The following NHSL1 variants were observed in gnomAD, a reference collection of about 807,000 sequenced individuals.
NHSL1 encodes NHS-like protein 1.
NHSL1 carries 48 observed loss-of-function variants against 95.0 expected under a neutral mutation model. The observed-to-expected ratio is 0.51, with a 90% CI of 0.40 to 0.64. The LOEUF (loss-of-function observed/expected upper bound fraction) is 0.64. NHSL1 is among the 30% of genes least tolerant of loss of function. NHSL1 has a pLI of 0.00. For synonymous variants in NHSL1, 783 were observed against 833.9 expected (o/e 0.94, Z 1.05); for missense variants, 1,971 against 2,077.7 (o/e 0.95, Z 1.00).
intron 5 of NHSL1, chr6:138,435,244 T>C (rs982266657): frequency 1.9e-5 from 3 of 154,776 alleles, no homozygotes; most frequent in African/African-American, 7.2e-5. Flanking sequence ...ACTCAAAATA[T>C]CTCATTCCAT....
At chr6:138,682,567 T>C (rs917580593) in intron 1 of NHSL1, among the ~76,000 whole-genome samples, 2 of 152,238 alleles carry the variant, frequency 1.3e-5, no homozygotes, top group African/African-American at 4.8e-5. Flanking sequence ...AACTGTCAAG[T>C]ACTTCAAGGA....
At chr6:138,503,090 A>G (rs1401771109), upstream of NHSL1, among the ~76,000 whole-genome samples, 2 of 152,144 alleles carry the variant, frequency 1.3e-5, no homozygotes, top group Admixed American at 6.5e-5. Context: ...CTAAGATTTT[A>G]TTTCAATTTT....
chr6:138,444,937 G>C (rs539871455), intron 4 of NHSL1, among the ~76,000 whole-genome samples: 40 of 152,198 alleles, frequency 2.6e-4, no homozygotes, highest in South Asian at 6.2e-4. Context: ...TTAATCACTC[G>C]ATTAAAAGTA....
intron 3 of NHSL1, among the ~76,000 whole-genome samples, chr6:138,468,690 A>G (rs1360312827): frequency 6.6e-6 from 1 of 152,186 alleles, no homozygotes; most frequent in Non-Finnish European, 1.5e-5. Context: ...CTTGGTGACA[A>G]AAAAGCTGGG....
Position 138,432,987 on chromosome 6 carries a change from TG to T in NHSL1, c.1357del (p.His453ThrfsTer8), listed in dbSNP as rs1293049620. On this transcript the variant is annotated frameshift_variant, in exon 6 of 8. Transcript: ENST00000343505. LOFTEE classifies it high-confidence loss of function. This position sits in a 1 kb window ranked among gnomAD's most constrained non-coding sequence, Gnocchi z 4.4. ...SSHARIKSRD[H>X]LISRHAVKGD... is the part of the protein sequence containing the mutation. ...TTTCACAGCATGCCTGGAGATGAGG[TG>T]GTCTCTGGATTTTATCCTTGCATGT... 6.4e-7 allele frequency: 1 copy of T among 1,551,374 alleles called. No individual in the cohort carries two copies. The highest frequency in any genetic ancestry group is 8.7e-7 in the Non-Finnish European group (1 of 1,146,872).
intron 3 of NHSL1, among the ~76,000 whole-genome samples, chr6:138,466,817 C>T (rs1778411174): frequency 6.6e-6 from 1 of 152,068 alleles, no homozygotes; most frequent in Non-Finnish European, 1.5e-5. Context: ...GGCTCAGTGG[C>T]TCACACCTGT....
chr6:138,654,022 A>G (rs1011514248), intron 1 of NHSL1, among the ~76,000 whole-genome samples: 15 of 152,204 alleles, frequency 9.9e-5, no homozygotes, highest in African/African-American at 3.1e-4. Flanking sequence ...ACTCCTGCCA[A>G]TGAGGATCAG....
Position 138,433,443 on chromosome 6 carries a change from A to G in NHSL1, c.902T>C (p.Met301Thr). Reference protein sequence around the residue: ...MGHFSGSSGNMSVLSDSAGIV... With the variant: ...MGHFSGSSGNTSVLSDSAGIV... ...CCCTGCAGAATCGCTCAGCACAGAC[A>G]TGTTGCCAGAGGAACCTGAGAAGTG... Residue 301 changes from methionine to threonine, a missense_variant, in exon 6 of 8, where the codon ATG (methionine) becomes ACG (threonine). Physicochemically the swap from Met to Thr is moderately conservative, Grantham distance 81. Around this residue, in one of 3 missense-constraint regions of NHSL1, gnomAD observed 1,602 missense variants for 1,654.5 expected, o/e 0.97. Coordinates refer to ENST00000343505, the MANE Select transcript of NHSL1 (RefSeq NM_001144060.2). 1.9e-6 allele frequency: 3 copies of G among 1,552,332 alleles called. No homozygotes were observed. The highest frequency in any genetic ancestry group is 2.6e-6 in the Non-Finnish European group (3 of 1,147,128).
At chr6:138,452,602 G>C (rs957115723) in intron 3 of NHSL1, among the ~76,000 whole-genome samples, 1 of 152,140 alleles carries the variant, frequency 6.6e-6, no homozygotes, top group Non-Finnish European at 1.5e-5. Flanking sequence ...ATGTCTTTAA[G>C]AAGACAGCCA....
At chr6:138,494,778 T>A (rs371101306) in intron 2 of NHSL1, among the ~76,000 whole-genome samples, 1 of 152,176 alleles carries the variant, frequency 6.6e-6, no homozygotes, top group Non-Finnish European at 1.5e-5. Context: ...AAATACTGCA[T>A]GGTAGGAGAA....
At chr6:138,611,248 C>A (rs540561819) in intron 1 of NHSL1, among the ~76,000 whole-genome samples, 2 of 152,144 alleles carry the variant, frequency 1.3e-5, no homozygotes, top group Non-Finnish European at 2.9e-5. Flanking sequence ...CAACAGGCAG[C>A]ATTTTAATAG....
Position 138,571,820 on chromosome 6 carries a change from A to G in NHSL1, c.92T>C (p.Leu31Ser), listed in dbSNP as rs551277636. The G allele has an allele frequency of 3.8e-5, 59 of 1,552,100 alleles. No homozygotes were observed. The African/African-American group carries it at 7.7e-4, about 20-fold the overall frequency. The change falls in exon 1 of 7, where the codon TTG becomes TCG. Residue 31 changes from leucine to serine, a missense_variant. Coordinates refer to the NHSL1 transcript ENST00000427025. ...AAACAGCCTCTTTGTCTGCCTGGACAAGGAGGAGAAATTTATCCAACTTAC... is the reference window on the plus strand; with the variant it reads ...AAACAGCCTCTTTGTCTGCCTGGACGAGGAGGAGAAATTTATCCAACTTAC...
intron 1 of NHSL1, among the ~76,000 whole-genome samples, chr6:138,597,396 C>T (rs180816223): frequency 1.1e-3 from 165 of 152,280 alleles, no homozygotes; most frequent in Non-Finnish European, 2.0e-3. Context: ...ATCTACGTAA[C>T]TATTGATTTG....
chr6:138,454,580 T>C (rs1777462505), intron 3 of NHSL1, among the ~76,000 whole-genome samples: 1 of 152,208 alleles, frequency 6.6e-6, no homozygotes, highest in African/African-American at 2.4e-5. Context: ...ATAGATGTGT[T>C]CACTCTCTTG....
At position 138,494,870 on chromosome 6, in the gene NHSL1, C is replaced by A. The variant is rs75672001; in HGVS notation, c.211+1349G>T. 9.8e-3 allele frequency among the ~76,000 whole-genome samples: 1,489 copies of A among 152,306 alleles called. 14 individuals are homozygous for A. The highest frequency in any genetic ancestry group is 0.024 in the African/African-American group (999 of 41,570). On this transcript the variant is annotated intron_variant, in intron 2 of 7. Transcript: ENST00000343505. ...AAGTCTCTGAATTTTACAAGTCACT[C>A]CTTCCTCTTTGAAGAACTACTTTCC...
chr6:138,490,090 G>T (rs1779986131), intron 2 of NHSL1, among the ~76,000 whole-genome samples: 2 of 151,982 alleles, frequency 1.3e-5, no homozygotes, highest in Admixed American at 1.3e-4. Flanking sequence ...GGTTATACAG[G>T]TGTTCACTCT....
At chr6:138,599,666 T>C (rs79147019) in intron 1 of NHSL1, among the ~76,000 whole-genome samples, 6,470 of 152,242 alleles carry the variant, frequency 0.042, 183 homozygotes, top group South Asian at 0.071. Flanking sequence ...TGAGATACCT[T>C]AAGATGATCA....
chr6:138,635,325 A>G (rs1484844457), intron 1 of NHSL1, among the ~76,000 whole-genome samples: 3 of 152,218 alleles, frequency 2.0e-5, no homozygotes, highest in African/African-American at 7.2e-5. Context: ...GAAAAGATCC[A>G]AATGAATAAA....
intron 1 of NHSL1, 29 bp from the exon 2 acceptor site, chr6:138,496,400 G>T (rs572815302): frequency 6.5e-7 from 1 of 1,548,794 alleles, no homozygotes; most frequent in Admixed American, 2.0e-5. Context: ...AATACATTCA[G>T]GTGTCAACTT....
Sources: gnomAD v4.1 joint callset for allele counts (sites outside exome capture counted in the v4.1 genomes callset) on GRCh38, gnomAD v4.1.1 for gene constraint, gnomAD v4.1.1 regional missense constraint, Gnocchi (gnomAD v3.1) non-coding constraint, MANE v1.5 for transcripts, NCBI Gene and HGNC (gene_info 2026-07-23, HGNC 2026-07-21) for gene names.